Variants in STAM observed in about 807,000 individuals in gnomAD.
The protein encoded by STAM is signal transducing adaptor molecule, also known as signal transducing adapter molecule 1.
In STAM, 16 loss-of-function variants were observed where a neutral mutation model predicts 63.4. That is an observed-to-expected ratio of 0.25 (90% CI 0.17 to 0.38). STAM has a LOEUF of 0.38. STAM is among the 10% of genes least tolerant of loss of function. The pLI is 1.00. For synonymous variants in STAM, 238 were observed against 223.9 expected (o/e 1.06, Z -0.56); for missense variants, 636 against 657.1 (o/e 0.97, Z 0.35).
chr10:17,703,997 G>A (rs2688787), intron 9 of STAM, among the ~76,000 whole-genome samples: 126,496 of 152,216 alleles, frequency 0.83, 53,023 homozygotes, highest in African/African-American at 0.94. Flanking sequence ...AAAATCCTCT[G>A]GCATGACATA....
intron 1 of STAM, among the ~76,000 whole-genome samples, chr10:17,655,164 C>A (rs1383600916): frequency 1.3e-5 from 2 of 152,150 alleles, no homozygotes; most frequent in Non-Finnish European, 2.9e-5. Context: ...AATCTTAAAT[C>A]TAAGTCTATC....
chr10:17,669,372 G>T (rs539686719), intron 2 of STAM, among the ~76,000 whole-genome samples: 2 of 143,854 alleles, frequency 1.4e-5, no homozygotes, highest in Non-Finnish European at 1.5e-5. Flanking sequence ...TTTTTTTTCC[G>T]GAAATGTTGT....
chr10:17,694,971 T>C, intron 6 of STAM, 78 bp from the exon 7 acceptor site: 3 of 1,360,206 alleles, frequency 2.2e-6, no homozygotes, highest in Non-Finnish European at 3.0e-6. Flanking sequence ...ATACCTTTTA[T>C]CTTGATGTCT....
At chr10:17,670,660 A>C (rs1163791065) in intron 2 of STAM, among the ~76,000 whole-genome samples, 1 of 152,170 alleles carries the variant, frequency 6.6e-6, no homozygotes, top group Non-Finnish European at 1.5e-5. Context: ...TTAGTTCAGC[A>C]TGTAGAAGTT....
intron 1 of STAM, among the ~76,000 whole-genome samples, chr10:17,649,102 T>G (rs1209933647): frequency 6.6e-6 from 1 of 152,214 alleles, no homozygotes; most frequent in Non-Finnish European, 1.5e-5. Context: ...AATAATCTTC[T>G]GTAAAAAATA....
At chr10:17,689,757 A>C (rs537980531) in intron 5 of STAM, among the ~76,000 whole-genome samples, 12 of 152,330 alleles carry the variant, frequency 7.9e-5, no homozygotes, top group Non-Finnish European at 1.5e-4. Flanking sequence ...TTGTTAACTC[A>C]AAACTTGGTT....
At chr10:17,676,555 T>C (rs1834864593) in intron 2 of STAM, among the ~76,000 whole-genome samples, 1 of 152,188 alleles carries the variant, frequency 6.6e-6, no homozygotes, top group South Asian at 2.1e-4. Context: ...TTTACCCTCT[T>C]ACGAACTATA....
At chr10:17,653,896 G>GT (rs1333701163) in intron 1 of STAM, among the ~76,000 whole-genome samples, 5 of 152,122 alleles carry the variant, frequency 3.3e-5, no homozygotes, top group East Asian at 1.9e-4. Flanking sequence ...CCTGGTTTGT[G>GT]TTTTTTGTGA....
chr10:17,697,358 A>G (rs1341181938), intron 8 of STAM, among the ~76,000 whole-genome samples: 1 of 152,244 alleles, frequency 6.6e-6, no homozygotes, highest in Non-Finnish European at 1.5e-5. Flanking sequence ...AGTACAGTAT[A>G]ACCTCAGGGA....
intron 5 of STAM, among the ~76,000 whole-genome samples, chr10:17,691,669 A>C (rs1554826809): frequency 6.6e-6 from 1 of 152,208 alleles, no homozygotes; most frequent in Non-Finnish European, 1.5e-5. Flanking sequence ...ATTTAGGCAC[A>C]TTCCCTCAGG....
At chr10:17,667,295 T>C (rs557693938) in intron 2 of STAM, among the ~76,000 whole-genome samples, 2 of 152,260 alleles carry the variant, frequency 1.3e-5, no homozygotes, top group South Asian at 4.1e-4. Flanking sequence ...CCCGGCTATT[T>C]TGTATTTTTA....
chr10:17,693,036 T>C (rs1326253942), intron 5 of STAM, among the ~76,000 whole-genome samples, 186 bp from the exon 6 acceptor site: 1 of 152,162 alleles, frequency 6.6e-6, no homozygotes, highest in Non-Finnish European at 1.5e-5. Flanking sequence ...GTCTAGTTGC[T>C]CTCTGTGTTC....
Position 17,679,491 on chromosome 10 carries a change from T to G in STAM, c.126-5184T>G, listed in dbSNP as rs543732848. On this transcript the variant is annotated intron_variant, in intron 2 of 13. Coordinates refer to ENST00000377524, the MANE Select transcript of STAM (RefSeq NM_003473.4). ...TGTCATATATATGATTTGGAAATAT[T>G]TTCTCCCATTCTGTGGGTTGACTTT... 2.6e-5 allele frequency among the ~76,000 whole-genome samples: 4 copies of G among 152,332 alleles called. No homozygotes were observed. In the East Asian group the frequency reaches 7.7e-4, roughly 29 times the overall value.
intron 2 of STAM, among the ~76,000 whole-genome samples, chr10:17,680,464 C>G (rs1341366736): frequency 1.3e-5 from 2 of 151,232 alleles, no homozygotes; most frequent in Non-Finnish European, 2.9e-5. Flanking sequence ...ACTCTGTCAC[C>G]CAGGCTGGAG....
At chr10:17,682,055 G>A (rs1343894614) in intron 2 of STAM, among the ~76,000 whole-genome samples, 2 of 152,120 alleles carry the variant, frequency 1.3e-5, no homozygotes, top group African/African-American at 4.8e-5. Flanking sequence ...AGCATCCCTT[G>A]TATGTGTATG....
chr10:17,688,328 A>G (rs1554826365), intron 5 of STAM, among the ~76,000 whole-genome samples, 155 bp downstream of exon 5: 2 of 152,184 alleles, frequency 1.3e-5, no homozygotes, highest in African/African-American at 4.8e-5. Context: ...ATTGCTAGTT[A>G]GTAATACTAG....
At position 17,688,149 on chromosome 10, in the gene STAM, T is replaced by TA; in HGVS notation, c.421dup (p.Thr141AsnfsTer29). 6.3e-7 allele frequency: 1 copy of TA among 1,577,174 alleles called. No individual in the cohort carries two copies. The highest frequency in any genetic ancestry group is 8.6e-7 in the Non-Finnish European group (1 of 1,162,296). The stretch of plus-strand genomic sequence containing the variant: ...TTAAGAACCTTAAGGAACAAGGAGT[T>TA]ACGTTCCCAGCTATTGGCTCTCAGG... On this transcript the variant is annotated frameshift_variant, in exon 5 of 14. Transcript: ENST00000377524. LOFTEE classifies it high-confidence loss of function.
At chr10:17,693,476 A>G (rs982871494) in intron 6 of STAM, among the ~76,000 whole-genome samples, 164 bp downstream of exon 6, 3 of 152,158 alleles carry the variant, frequency 2.0e-5, no homozygotes, top group Non-Finnish European at 4.4e-5. Flanking sequence ...TTACTGTCAC[A>G]TGTATCCTTT....
At chr10:17,661,634 G>C (rs534587690) in intron 2 of STAM, among the ~76,000 whole-genome samples, 1 of 152,044 alleles carries the variant, frequency 6.6e-6, no homozygotes, top group Non-Finnish European at 1.5e-5. Flanking sequence ...CTTTCTTTCA[G>C]TTTTTCCATT....
Sources: allele counts gnomAD v4.1 joint callset (sites outside exome capture counted in the v4.1 genomes callset), GRCh38; gene constraint gnomAD v4.1.1; transcripts MANE v1.5; gene names NCBI Gene and HGNC (gene_info 2026-07-23, HGNC 2026-07-21).